The following CHP1 variants were observed in gnomAD, a reference collection of about 807,000 sequenced individuals.
CHP1 encodes the protein calcineurin like EF-hand protein 1.
In CHP1, 11 loss-of-function variants were observed where a neutral mutation model predicts 27.4. The observed-to-expected ratio is 0.40, with a 90% confidence interval of 0.25 to 0.67. CHP1 has a LOEUF of 0.67. CHP1 is among the 30% of genes least tolerant of loss of function. CHP1 has a pLI of 0.38. For missense variants in CHP1, 169 were observed against 251.3 expected (o/e 0.67, Z 2.22); for synonymous variants, 89 against 87.4 (o/e 1.02, Z -0.10).
intron 4 of CHP1, among the ~76,000 whole-genome samples, chr15:41,269,317 T>A (rs933613457): frequency 3.0e-4 from 45 of 152,198 alleles, no homozygotes; most frequent in African/African-American, 1.1e-3. Flanking sequence ...TTCTGATATA[T>A]ACCTTACAAG....
Position 41,264,057 on chromosome 15 carries a change from C to T in CHP1, c.349+1174C>T, listed in dbSNP as rs575022598. Reference sequence around the variant, plus strand: ...TCTGTTTCAAGAACTAGGGATTTTTCTCTTTACTCTGCCATCCTCATAGTC... The same window carrying T: ...TCTGTTTCAAGAACTAGGGATTTTTTTCTTTACTCTGCCATCCTCATAGTC... On this transcript the variant is annotated intron_variant, in intron 4 of 6. Coordinates refer to ENST00000334660, the MANE Select transcript of CHP1 (RefSeq NM_007236.5). The T allele has an allele frequency of 1.8e-5, 9 of 509,288 alleles. No homozygotes were observed. The East Asian group carries it at 5.5e-4, about 31-fold the overall frequency. The allele number at this position is 509,288 out of a possible 1,614,324, so 31.5% of individuals were successfully genotyped here.
At chr15:41,274,004 G>A (rs988004680) in intron 5 of CHP1, among the ~76,000 whole-genome samples, 3 of 151,134 alleles carry the variant, frequency 2.0e-5, no homozygotes, top group Non-Finnish European at 4.4e-5. Flanking sequence ...TCTGTCGCTC[G>A]GGCTGGAGTG....
At chr15:41,267,927 C>CT (rs2047469902) in intron 4 of CHP1, among the ~76,000 whole-genome samples, 1 of 92,318 alleles carries the variant, frequency 1.1e-5, no homozygotes, top group African/African-American at 6.7e-5. Flanking sequence ...GGCCCTATCT[C>CT]TTAAAAAAAA....
At chr15:41,278,395 T>C (rs1288126351) in intron 5 of CHP1, among the ~76,000 whole-genome samples, 5 of 151,856 alleles carry the variant, frequency 3.3e-5, no homozygotes, top group African/African-American at 1.2e-4. Context: ...ATATGCAGGT[T>C]AGTTATGTAG....
intron 1 of CHP1, among the ~76,000 whole-genome samples, chr15:41,234,396 T>C (rs966141558): frequency 3.9e-5 from 6 of 152,196 alleles, no homozygotes; most frequent in Non-Finnish European, 7.3e-5. Context: ...TGGAAAACTA[T>C]CTATCAGAAG....
At chr15:41,248,122 C>T (rs1215091205) in intron 2 of CHP1, among the ~76,000 whole-genome samples, 1 of 151,938 alleles carries the variant, frequency 6.6e-6, no homozygotes. Flanking sequence ...TATGATGTGC[C>T]AGACACTGTT....
At chr15:41,249,152 T>C (rs1468409847) in intron 2 of CHP1, among the ~76,000 whole-genome samples, 1 of 152,154 alleles carries the variant, frequency 6.6e-6, no homozygotes, top group Non-Finnish European at 1.5e-5. Flanking sequence ...TCCAATCTTT[T>C]GTTACCTGGA....
intron 2 of CHP1, among the ~76,000 whole-genome samples, chr15:41,247,831 T>G (rs1025105625): frequency 1.3e-5 from 2 of 149,312 alleles, no homozygotes; most frequent in African/African-American, 2.5e-5. Context: ...TAGCTGGGAG[T>G]GGTGGTGGGT....
At chr15:41,274,239 A>C (rs956701718) in intron 5 of CHP1, among the ~76,000 whole-genome samples, 1 of 152,018 alleles carries the variant, frequency 6.6e-6, no homozygotes, top group East Asian at 1.9e-4. Context: ...GATTACAGGC[A>C]TGAGCCACCG....
At chr15:41,266,389 T>C (rs962717423) in intron 4 of CHP1, among the ~76,000 whole-genome samples, 5 of 152,072 alleles carry the variant, frequency 3.3e-5, no homozygotes, top group Admixed American at 6.6e-5. Context: ...GTATAATTCA[T>C]CTTAGGCCCA....
intron 2 of CHP1, among the ~76,000 whole-genome samples, chr15:41,250,684 G>C (rs1213242487): frequency 6.8e-6 from 1 of 146,536 alleles, no homozygotes; most frequent in Non-Finnish European, 1.5e-5. Flanking sequence ...AGGAACAGAA[G>C]CAAACTTCCC....
At chr15:41,242,135 G>T (rs2047309861) in intron 1 of CHP1, among the ~76,000 whole-genome samples, 1 of 152,144 alleles carries the variant, frequency 6.6e-6, no homozygotes, top group African/African-American at 2.4e-5. Flanking sequence ...CTTTCTGGTA[G>T]ATGTCATCTG....
chr15:41,265,923 C>T (rs147610654), intron 4 of CHP1, among the ~76,000 whole-genome samples: 47 of 152,264 alleles, frequency 3.1e-4, no homozygotes, highest in African/African-American at 1.0e-3. Flanking sequence ...TGCCACTCTG[C>T]TCTTCTGTTT....
At chr15:41,238,791 G>T (rs1252988426) in intron 1 of CHP1, among the ~76,000 whole-genome samples, 1 of 152,090 alleles carries the variant, frequency 6.6e-6, no homozygotes, top group Non-Finnish European at 1.5e-5. Flanking sequence ...GGCAGAGTTT[G>T]CAGTGAGCCA....
At chr15:41,256,649 T>G (rs1272703211) in intron 2 of CHP1, 1 of 471,274 alleles carries the variant, frequency 2.1e-6, no homozygotes, top group African/African-American at 2.0e-5. Context: ...GTCCATCAGT[T>G]GGCTTATTGA....
chr15:41,231,600 G>C, intron 1 of CHP1, 151 bp downstream of exon 1: 1 of 704,960 alleles, frequency 1.4e-6, no homozygotes, highest in Non-Finnish European at 2.4e-6. Context: ...TGGAAGACCT[G>C]TTCTTCCAGC....
chr15:41,261,822 G>A (rs911942958), intron 3 of CHP1, among the ~76,000 whole-genome samples: 6 of 151,574 alleles, frequency 4.0e-5, no homozygotes, highest in South Asian at 2.1e-4. Context: ...GAGAAACCCC[G>A]TCTCTACTAA....
chr15:41,270,263 T>C (rs979086944), intron 4 of CHP1, among the ~76,000 whole-genome samples: 1 of 150,850 alleles, frequency 6.6e-6, no homozygotes, highest in African/African-American at 2.5e-5. Flanking sequence ...GTAAGGAGTG[T>C]TTTGGGGGGG....
chr15:41,258,583 G>A (rs554869873), intron 3 of CHP1, among the ~76,000 whole-genome samples: 132 of 152,180 alleles, frequency 8.7e-4, no homozygotes, highest in Non-Finnish European at 1.3e-3. Context: ...CATATGCTTT[G>A]TCAAGTAGAT....
Sources: gnomAD v4.1 joint callset for allele counts (sites outside exome capture counted in the v4.1 genomes callset) on GRCh38, gnomAD v4.1.1 for gene constraint, MANE v1.5 for transcripts, NCBI Gene and HGNC (gene_info 2026-07-23, HGNC 2026-07-21) for gene names.